SCAF1: variants seen among roughly 807,000 people sequenced by gnomAD.
The protein encoded by SCAF1 is splicing factor, arginine/serine-rich 19.
SCAF1 carries 28 observed loss-of-function variants against 91.2 expected under a neutral mutation model. The observed-to-expected ratio is 0.31, with a 90% CI of 0.23 to 0.42. The LOEUF (loss-of-function observed/expected upper bound fraction) is 0.42. Ranked by LOEUF, SCAF1 falls within the 10% of genes least tolerant of loss-of-function variation. The probability of loss-of-function intolerance (pLI) is 1.00; values close to 1 mark genes in which losing one functional copy is unlikely to be tolerated. For missense variants in SCAF1, 1,893 were observed against 1,872.1 expected (o/e 1.01, Z -0.21); for synonymous variants, 1,036 against 833.7 (o/e 1.24, Z -4.18).
chr19:49,652,692 C>T lies in SCAF1; in HGVS notation c.2303C>T (p.Ser768Phe). 6.4e-7 allele frequency: 1 copy of T among 1,572,146 alleles called. No individual in the cohort carries two copies. The highest frequency in any genetic ancestry group is 8.6e-7 in the Non-Finnish European group (1 of 1,158,764). ...TCCTCCTCTTCCCGGGAGAAGGGGT[C>T]TCGTCGGAAGGCGCTGGACGGGGGT... is the stretch of plus-strand genomic sequence containing the variant. ...SSSSSSREKG[S>F]RRKALDGGDR... Residue 768 changes from serine (S) to phenylalanine (F), a missense_variant, in exon 7 of 11, where the codon TCT becomes TTT. Ser to Phe is a radical substitution (Grantham distance 155). Around this residue, in one of 5 missense-constraint regions of SCAF1, gnomAD observed 1,436 missense variants for 1,306.8 expected, o/e 1.10. Transcript: ENST00000360565.
chr19:49,656,676 G>C (rs1052715823), intron 9 of SCAF1, among the ~76,000 whole-genome samples: 2 of 152,198 alleles, frequency 1.3e-5, no homozygotes, highest in African/African-American at 4.8e-5. Flanking sequence ...GGCGGGAAGA[G>C]CCTTGCCTCG....
rs1156549978 is a variant in SCAF1 at position 49,653,709 on chromosome 19, A to G, written c.3316+4A>G. 6.5e-6 allele frequency: 10 copies of G among 1,543,832 alleles called. No individual in the cohort carries two copies. Among genetic ancestry groups the G allele is most frequent in the Non-Finnish European group, 8.7e-6 (10 of 1,150,374 alleles). Reference sequence around the variant, plus strand: ...ACCACCAGCGGCGTCCTGGCCTGTGAGTGTCCCCTGGGGGAGGGTGGTGCT... The same window carrying G: ...ACCACCAGCGGCGTCCTGGCCTGTGGGTGTCCCCTGGGGGAGGGTGGTGCT... On this transcript the variant is annotated splice_donor_region_variant and intron_variant, in intron 7 of 10. Coordinates refer to ENST00000360565, the MANE Select transcript of SCAF1 (RefSeq NM_021228.3).
rs1275421827 is a variant in SCAF1 at position 49,653,331 on chromosome 19, C to T, written c.2942C>T (p.Ala981Val). The T allele has an allele frequency of 1.4e-6, 2 of 1,468,076 alleles. No individual in the cohort carries two copies. The highest frequency in any genetic ancestry group is 1.8e-6 in the Non-Finnish European group (2 of 1,107,958). The allele number at this position is 1,468,076 out of a possible 1,614,324, so 90.9% of individuals were successfully genotyped here. A position where few individuals can be genotyped will look rare whatever the true frequency, so the allele number is the denominator to read the frequency against. The part of the protein sequence containing the change: ...AKVPSTPPPK[A>V]APPPPALTPD... ...GTTCCTAGCACCCCGCCCCCCAAGG[C>T]AGCCCCACCACCCCCTGCCCTCACT... Residue 981 changes from alanine to valine, a missense_variant, in exon 7 of 11, where the codon GCA becomes GTA. By Grantham distance (64) the Ala-to-Val change is moderately conservative (BLOSUM62 0). Around this residue, in one of 5 missense-constraint regions of SCAF1, gnomAD observed 1,436 missense variants for 1,306.8 expected, o/e 1.10. Transcript: ENST00000360565.
Position 49,652,092 on chromosome 19 carries a change from C to T in SCAF1, c.1703C>T (p.Ser568Leu). 8.6e-7 allele frequency: 1 copy of T among 1,167,414 alleles called. No individual in the cohort carries two copies. Among genetic ancestry groups the T allele is most frequent in the Non-Finnish European group, 1.1e-6 (1 of 939,472 alleles). The allele number at this position is 1,167,414 out of a possible 1,614,324, so 72.3% of individuals were successfully genotyped here. ...CGCAAGCCCGGCTCCCACGCCTCGT[C>T]GTCCGCCCGCCGCCGCTCCCGCTCC... ...RDRKPGSHAS[S>L]SARRRSRSRS... The change falls in exon 7 of 11, where the codon TCG becomes TTG. Residue 568 changes from serine (S) to leucine (L), a missense_variant. Physicochemically the swap from Ser to Leu is moderately radical, Grantham distance 145. Transcript: ENST00000360565.
At position 49,651,064 on chromosome 19, in the gene SCAF1, C is replaced by T. The variant is rs763988897; in HGVS notation, c.675C>T (p.Phe225=). The change falls in exon 7 of 11, where the codon TTC becomes TTT. Residue 225 remains phenylalanine, a synonymous_variant. Coordinates refer to ENST00000360565, the MANE Select transcript of SCAF1 (RefSeq NM_021228.3). ...CCCCAGCCCCACCTGCCCCCCGATT[C>T]GATATCTATGACCCCTTCCACCCCA... The part of the protein sequence containing the change: ...PAPPAPPAPR[F]DIYDPFHPTD... The T allele has an allele frequency of 3.3e-6, 5 of 1,504,892 alleles. No individual in the cohort carries two copies. Among genetic ancestry groups the T allele is most frequent in the South Asian group, 2.5e-5 (2 of 81,214 alleles). 93.2% of individuals were successfully genotyped at this position (1,504,892 alleles called of 1,614,324 possible).
Position 49,651,202 on chromosome 19 carries a change from G to T in SCAF1, c.813G>T (p.Glu271Asp). Reference protein sequence around the residue: ...SAGTPSPEEEEEEEEEEEEEE... With the variant: ...SAGTPSPEEEDEEEEEEEEEE... ...GGACCCCCTCACCTGAGGAGGAAGA[G>T]GAGGAGGAAGAGGAAGAAGAAGAGG... Residue 271 changes from glutamate (E) to aspartate (D), a missense_variant, in exon 7 of 11, where the codon GAG (glutamate) becomes GAT (aspartate). Around this residue, in one of 5 missense-constraint regions of SCAF1, gnomAD observed 80 missense variants for 116.6 expected, o/e 0.69. Coordinates refer to ENST00000360565, the MANE Select transcript of SCAF1 (RefSeq NM_021228.3). 6.2e-7 allele frequency: 1 copy of T among 1,612,908 alleles called. No homozygotes were observed. The highest frequency in any genetic ancestry group is 1.3e-5 in the African/African-American group (1 of 74,814).
rs2081127262 is a variant in SCAF1 at position 49,654,673 on chromosome 19, C to T, written c.3421C>T (p.Pro1141Ser). 3.7e-6 allele frequency: 6 copies of T among 1,613,280 alleles called. No homozygotes were observed. The highest frequency in any genetic ancestry group is 1.3e-5 in the African/African-American group (1 of 74,910). Residue 1141 changes from proline to serine, a missense_variant, in exon 9 of 11, where the codon CCC (proline) becomes TCC (serine). This residue lies in a region of SCAF1 where 1,436 missense variants were observed against 1,306.8 expected (regional missense o/e 1.10). Transcript: ENST00000360565. ...ACAGATCCTCAGCCACAGAAAGCCA[C>T]CCTCAAGTCTGGGGATGACCCCAGC... ...TNQILSHRKP[P>S]SSLGMTPAPV...
chr19:49,643,687 A>C (rs1393245499), intron 1 of SCAF1, among the ~76,000 whole-genome samples: 1 of 152,224 alleles, frequency 6.6e-6, no homozygotes, highest in East Asian at 1.9e-4. Flanking sequence ...AGCTTCTGAT[A>C]TGTGACAGTC....
chr19:49,652,295 G>A lies in SCAF1; in HGVS notation c.1906G>A (p.Asp636Asn). The A allele has an allele frequency of 6.5e-7, 1 of 1,527,996 alleles. No homozygotes were observed. The highest frequency in any genetic ancestry group is 8.8e-7 in the Non-Finnish European group (1 of 1,140,442). 94.7% of individuals were successfully genotyped at this position (1,527,996 alleles called of 1,614,324 possible). The change falls in exon 7 of 11, where the codon GAC (aspartate) becomes AAC (asparagine). Residue 636 changes from aspartate to asparagine, a missense_variant. Around this residue, in one of 5 missense-constraint regions of SCAF1, gnomAD observed 1,436 missense variants for 1,306.8 expected, o/e 1.10. Coordinates refer to ENST00000360565, the MANE Select transcript of SCAF1 (RefSeq NM_021228.3). ...CGAGCGGCACCGCGGGAAACACCGG[G>A]ACGGTGGCGGCAGCAAGAAGAAGAA... ...RRERHRGKHR[D>N]GGGSKKKKKR... is the part of the protein sequence containing the mutation.
chr19:49,658,391 C>T lies in SCAF1; in HGVS notation c.3931C>T (p.Pro1311Ser). Residue 1311 changes from proline to serine, a missense_variant, in exon 11 of 11, where the codon CCT (proline) becomes TCT (serine). Transcript: ENST00000360565. ...GGGTGGCCCGGGCCTGCCCCTGCCC[C>T]CTCTCTGAGAGCCCTGGCCAGCTCT... ...DKGGPGLPLP[P>S]L is the part of the protein sequence containing the mutation. 1 of 1,541,308 alleles carries T rather than the reference C, an allele frequency of 6.5e-7. No individual in the cohort carries two copies. Among genetic ancestry groups the T allele is most frequent in the South Asian group, 1.2e-5 (1 of 85,058 alleles).
chr19:49,644,882 A>AGGAGGT (rs2122450899), intron 1 of SCAF1, 139 bp from the exon 2 acceptor site: 1 of 623,016 alleles, frequency 1.6e-6, no homozygotes, highest in East Asian at 2.8e-5. Context: ...GTGGAGTGGG[A>AGGAGGT]GGAGGTGGAG....
upstream of SCAF1, among the ~76,000 whole-genome samples, chr19:49,640,506 G>A (rs1470632111): frequency 1.3e-5 from 2 of 152,298 alleles, no homozygotes; most frequent in South Asian, 2.1e-4. Context: ...TTGGGGCATC[G>A]TCTCCGAGGC....
chr19:49,646,502 T>C lies in SCAF1; in HGVS notation c.262-24T>C. Reference sequence around the variant, plus strand: ...AGTCTTCATGTGACCAGGGACGGCGTAGAGCCTCTCTGGCCTCTTCCAGGT... The same window carrying C: ...AGTCTTCATGTGACCAGGGACGGCGCAGAGCCTCTCTGGCCTCTTCCAGGT... On this transcript the variant is annotated intron_variant, in intron 4 of 10. Transcript: ENST00000360565. This position sits in a 1 kb window ranked among gnomAD's most constrained non-coding sequence, Gnocchi z 5.6. The C allele has an allele frequency of 6.2e-7, 1 of 1,604,764 alleles. No homozygotes were observed. Among genetic ancestry groups the C allele is most frequent in the Non-Finnish European group, 8.5e-7 (1 of 1,171,766 alleles).
chr19:49,652,036 C>A lies in SCAF1; in HGVS notation c.1647C>A (p.Pro549=). The A allele has an allele frequency of 1.6e-6, 2 of 1,237,006 alleles. No individual in the cohort carries two copies. Among genetic ancestry groups the A allele is most frequent in the Non-Finnish European group, 2.0e-6 (2 of 977,970 alleles). 76.6% of individuals were successfully genotyped at this position (1,237,006 alleles called of 1,614,324 possible). Residue 549 remains proline, a synonymous_variant, in exon 7 of 11, where the codon CCC becomes CCA. Coordinates refer to ENST00000360565, the MANE Select transcript of SCAF1 (RefSeq NM_021228.3). ...CAGCGCCGCCCGCCCCGGCCTCGCC[C>A]TGGGACTCCAAGAAGCACCGCTCGC... ...TQPAPPAPAS[P]WDSKKHRSRD...
chr19:49,653,889 G>A (rs1304612302), intron 7 of SCAF1, among the ~76,000 whole-genome samples, 184 bp downstream of exon 7: 1 of 152,188 alleles, frequency 6.6e-6, no homozygotes, highest in Non-Finnish European at 1.5e-5. Flanking sequence ...GGAGAGAGGG[G>A]CCGGTGAGAG....
At position 49,646,841 on chromosome 19, in the gene SCAF1, C is replaced by A; in HGVS notation, c.478+11C>A. ...GGACGGGCAAAACGGGTATGTGGGG[C>A]CAGGGCGGAGCTGGGCAGGTGGTCG... On this transcript the variant is annotated intron_variant, in intron 6 of 10. Transcript: ENST00000360565. This position sits in a 1 kb window ranked among gnomAD's most constrained non-coding sequence, Gnocchi z 5.6. 4 of 1,601,466 alleles carry A rather than the reference C, an allele frequency of 2.5e-6. No individual in the cohort carries two copies. The highest frequency in any genetic ancestry group is 3.4e-6 in the Non-Finnish European group (4 of 1,173,208).
intron 6 of SCAF1, 73 bp from the exon 7 acceptor site, chr19:49,650,795 G>C (rs1374222150): frequency 1.5e-5 from 19 of 1,269,586 alleles, no homozygotes; most frequent in Non-Finnish European, 1.1e-5. Context: ...GAGTGTCCAC[G>C]GCTGGGCCAG....
Position 49,651,045 on chromosome 19 carries a change from C to T in SCAF1, c.656C>T (p.Ala219Val). 1 of 1,204,944 alleles carries T rather than the reference C, an allele frequency of 8.3e-7. No individual in the cohort carries two copies. The highest frequency in any genetic ancestry group is 1.1e-6 in the Non-Finnish European group (1 of 881,444). The allele number at this position is 1,204,944 out of a possible 1,614,324, so 74.6% of individuals were successfully genotyped here. A position where few individuals can be genotyped will look rare whatever the true frequency, so the allele number is the denominator to read the frequency against. ...PPPPPPPAPP[A>V]PPAPRFDIYD... is the part of the protein sequence containing the mutation. ...CCCCCACCGCCCCCTGCACCCCCAG[C>T]CCCACCTGCCCCCCGATTCGATATC... is the stretch of plus-strand genomic sequence containing the variant. Residue 219 changes from alanine to valine, a missense_variant, in exon 7 of 11, where the codon GCC (alanine) becomes GTC (valine). By Grantham distance (64) the Ala-to-Val change is moderately conservative (BLOSUM62 0). Around this residue, in one of 5 missense-constraint regions of SCAF1, gnomAD observed 270 missense variants for 292.5 expected, o/e 0.92. Coordinates refer to ENST00000360565, the MANE Select transcript of SCAF1 (RefSeq NM_021228.3).
upstream of SCAF1, among the ~76,000 whole-genome samples, chr19:49,641,813 C>A (rs1447208670): frequency 6.6e-6 from 1 of 152,210 alleles, no homozygotes; most frequent in Non-Finnish European, 1.5e-5. Context: ...AGCACAACAT[C>A]CAGCAAGTCG....
Sources: allele counts gnomAD v4.1 joint callset (sites outside exome capture counted in the v4.1 genomes callset), GRCh38; gene constraint gnomAD v4.1.1; regional missense constraint gnomAD v4.1.1; non-coding constraint Gnocchi (gnomAD v3.1); transcripts MANE v1.5; gene names NCBI Gene and HGNC (gene_info 2026-07-23, HGNC 2026-07-21).